Variants in DTNA observed in about 807,000 individuals in gnomAD.
The protein encoded by DTNA is dystrophin-related protein 3.
DTNA carries 43 observed loss-of-function variants against 100.7 expected under a neutral mutation model. The ratio of observed to expected loss-of-function variants is 0.43; its 90% CI spans 0.33 to 0.55. The LOEUF (loss-of-function observed/expected upper bound fraction) is 0.55. Among genes scored for constraint, DTNA ranks in the 20% least tolerant of loss-of-function variants. DTNA has a pLI of 0.04. For missense variants in DTNA, 798 were observed against 953.9 expected, an observed-to-expected ratio of 0.84 and a Z score of 2.15; for synonymous variants, 349 against 347.9, an observed-to-expected ratio of 1.00 and a Z score of -0.04.
intron 1 of DTNA, among the ~76,000 whole-genome samples, chr18:34,517,224 G>A (rs954698058): frequency 3.9e-5 from 6 of 152,068 alleles, no homozygotes; most frequent in Non-Finnish European, 5.9e-5. Flanking sequence ...GTCTTACACT[G>A]AAGCTGCCCT....
chr18:34,518,581 G>A (rs2145147262), intron 1 of DTNA, among the ~76,000 whole-genome samples: 1 of 151,210 alleles, frequency 6.6e-6, no homozygotes, highest in Middle Eastern at 3.5e-3. Flanking sequence ...TCTATTTGGA[G>A]TTAATTTTTG....
chr18:34,648,378 A>G (rs1599569194), intron 1 of DTNA, among the ~76,000 whole-genome samples: 1 of 152,298 alleles, frequency 6.6e-6, no homozygotes, highest in African/African-American at 2.4e-5. Context: ...AGGTGGGGTA[A>G]GAGTAGAAGC....
At chr18:34,799,421 G>A (rs2095120019) in intron 4 of DTNA, among the ~76,000 whole-genome samples, 2 of 152,082 alleles carry the variant, frequency 1.3e-5, no homozygotes, top group African/African-American at 2.4e-5. Flanking sequence ...GTACTACAAA[G>A]TACACAACCA....
intron 9 of DTNA, chr18:34,821,140 G>T (rs898303319): frequency 1.5e-6 from 1 of 677,982 alleles, no homozygotes; most frequent in Non-Finnish European, 2.7e-6. Flanking sequence ...TAATTCACCT[G>T]GAGGTGGAAA....
chr18:34,741,005 T>G (rs2090548197), intron 1 of DTNA, among the ~76,000 whole-genome samples: 1 of 152,142 alleles, frequency 6.6e-6, no homozygotes, highest in Admixed American at 6.5e-5. Flanking sequence ...TTTGTTCCAT[T>G]TACAAACTCT....
chr18:34,642,123 G>A (rs527679641), intron 1 of DTNA, among the ~76,000 whole-genome samples: 1 of 152,264 alleles, frequency 6.6e-6, no homozygotes, highest in South Asian at 2.1e-4. Flanking sequence ...TTGCTAATGA[G>A]GACTCACCAC....
intron 5 of DTNA, 83 bp downstream of exon 5, chr18:34,806,387 TC>T: frequency 1.8e-6 from 2 of 1,105,150 alleles, no homozygotes; most frequent in Non-Finnish European, 2.7e-6. Flanking sequence ...CTATGTCCCC[TC>T]CCCATTTGTA....
chr18:34,720,530 A>T lies in DTNA; in HGVS notation c.-2+10085A>T, dbSNP rs149883830. Among the ~76,000 whole-genome samples the T allele has an allele frequency of 1.8e-4, 27 of 152,254 alleles. No homozygotes were observed. In the Middle Eastern group the frequency reaches 0.02, roughly 115 times the overall value. On this transcript the variant is annotated intron_variant, in intron 1 of 22. Transcript: ENST00000444659. The stretch of plus-strand genomic sequence containing the variant: ...TGAGAAAGCTAGAGAGGTACAGGAG[A>T]CTACAGAGGAGAAGGGAAAGGCAAA...
chr18:34,835,903 TTC>T (rs1193735420), intron 11 of DTNA, among the ~76,000 whole-genome samples: 2 of 152,248 alleles, frequency 1.3e-5, no homozygotes, highest in African/African-American at 2.4e-5. Context: ...TTGCCACAAT[TTC>T]TGAGATTCAA....
At chr18:34,765,929 C>T (rs2093443760) in intron 2 of DTNA, 32 bp from the exon 3 acceptor site, 2 of 1,603,332 alleles carry the variant, frequency 1.2e-6, no homozygotes, top group African/African-American at 1.3e-5. Context: ...GCACACATGG[C>T]ATACCTTATG....
chr18:34,793,967 G>T, intron 3 of DTNA, 70 bp from the exon 4 acceptor site: 1 of 1,510,216 alleles, frequency 6.6e-7, no homozygotes, highest in Non-Finnish European at 9.1e-7. Context: ...ACAGGACAGA[G>T]GGTCATGTAA....
intron 1 of DTNA, among the ~76,000 whole-genome samples, chr18:34,745,433 A>T (rs763709167): frequency 6.6e-6 from 1 of 152,152 alleles, no homozygotes; most frequent in African/African-American, 2.4e-5. Flanking sequence ...ATTTCTTTCT[A>T]CTACTCTTTC....
At chr18:34,539,223 G>A (rs2044014121) in intron 1 of DTNA, among the ~76,000 whole-genome samples, 2 of 151,618 alleles carry the variant, frequency 1.3e-5, no homozygotes, top group South Asian at 2.1e-4. Flanking sequence ...AAGGTTCGTA[G>A]AATCAGTGAA....
intron 1 of DTNA, among the ~76,000 whole-genome samples, chr18:34,701,261 C>T (rs1217686238): frequency 6.6e-6 from 1 of 152,078 alleles, no homozygotes; most frequent in African/African-American, 2.4e-5. Flanking sequence ...CTCAACATTC[C>T]CCCAAAAAAG....
chr18:34,686,821 A>G (rs1412926829), intron 1 of DTNA, among the ~76,000 whole-genome samples: 1 of 152,016 alleles, frequency 6.6e-6, no homozygotes, highest in East Asian at 1.9e-4. Context: ...CCTCAAATTC[A>G]GAATTTGTTA....
intron 18 of DTNA, among the ~76,000 whole-genome samples, chr18:34,876,301 A>T (rs1325280545): frequency 6.6e-6 from 1 of 152,218 alleles, no homozygotes; most frequent in Non-Finnish European, 1.5e-5. Context: ...TAAGGAAAAG[A>T]GAGACATGTT....
intron 17 of DTNA, chr18:34,867,348 T>C: frequency 8.1e-7 from 1 of 1,230,144 alleles, no homozygotes; most frequent in Non-Finnish European, 1.0e-6. Context: ...ATTTTGTATT[T>C]TGTGAAAAAA....
intron 1 of DTNA, among the ~76,000 whole-genome samples, chr18:34,743,622 C>T (rs1269597840): frequency 6.6e-6 from 1 of 152,072 alleles, no homozygotes; most frequent in Non-Finnish European, 1.5e-5. Context: ...ATTGTAAATG[C>T]ATGTTTATTA....
chr18:34,765,302 C>CT (rs2093411425), intron 2 of DTNA, among the ~76,000 whole-genome samples: 1 of 152,172 alleles, frequency 6.6e-6, no homozygotes, highest in East Asian at 1.9e-4. Flanking sequence ...TTTAGAAAGG[C>CT]ATGTCTTCCT....
Sources: allele counts gnomAD v4.1 joint callset (sites outside exome capture counted in the v4.1 genomes callset), GRCh38; gene constraint gnomAD v4.1.1; transcripts MANE v1.5; gene names NCBI Gene and HGNC (gene_info 2026-07-23, HGNC 2026-07-21).